AKAP19: variants seen among roughly 807,000 people sequenced by gnomAD.
AKAP19 encodes the protein A-kinase anchoring protein 19.
chr2:189,975,228 C>T, the AKAP19 span, among the ~76,000 whole-genome samples: 1 of 152,068 alleles, frequency 6.6e-6, no homozygotes, highest in African/African-American at 2.4e-5. Context: ...TTTATTTCTC[C>T]TTCACTTATG....
chr2:190,151,117 C>A, the AKAP19 span, among the ~76,000 whole-genome samples: 1 of 152,058 alleles, frequency 6.6e-6, no homozygotes, highest in Non-Finnish European at 1.5e-5. Flanking sequence ...TCCTATTTGT[C>A]ATTTCTGTTT....
chr2:189,924,951 A>C, the AKAP19 span, among the ~76,000 whole-genome samples: 1 of 152,172 alleles, frequency 6.6e-6, no homozygotes, highest in Non-Finnish European at 1.5e-5. Context: ...GCTGTTAACC[A>C]TGAGCTCAAT....
the AKAP19 span, among the ~76,000 whole-genome samples, chr2:189,938,822 A>G: frequency 6.6e-6 from 1 of 152,308 alleles, no homozygotes; most frequent in East Asian, 1.9e-4. Context: ...CATCTCGTGT[A>G]CCCCATAAAT....
the AKAP19 span, chr2:190,062,235 A>G: frequency 1.3e-5 from 21 of 1,612,868 alleles, no homozygotes; most frequent in East Asian, 2.2e-5. Context: ...CTCTGTAGGC[A>G]TGGTAATGAT....
chr2:190,031,246 G>T, the AKAP19 span, among the ~76,000 whole-genome samples: 1 of 152,186 alleles, frequency 6.6e-6, no homozygotes, highest in Non-Finnish European at 1.5e-5. Context: ...AGTACAGGAT[G>T]TGGAGTAGGG....
At chr2:189,893,472 G>A in the AKAP19 span, among the ~76,000 whole-genome samples, 1 of 152,164 alleles carries the variant, frequency 6.6e-6, no homozygotes, top group Admixed American at 6.5e-5. Context: ...GCTAGGAGAG[G>A]GAGTCCCCTG....
chr2:190,200,328 C>T, the AKAP19 span: 1 of 601,368 alleles, frequency 1.7e-6, no homozygotes, highest in Non-Finnish European at 3.0e-6. Flanking sequence ...ATGTTAACAG[C>T]AATTTCTGTT....
chr2:190,127,227 G>A, the AKAP19 span, among the ~76,000 whole-genome samples: 2 of 151,330 alleles, frequency 1.3e-5, no homozygotes, highest in Non-Finnish European at 2.9e-5. Flanking sequence ...TGGAACTCTG[G>A]TTCTCAAGCC....
chr2:189,949,652 T>C, the AKAP19 span, among the ~76,000 whole-genome samples: 4 of 148,162 alleles, frequency 2.7e-5, no homozygotes, highest in Non-Finnish European at 4.5e-5. Flanking sequence ...TTTTTTTTTT[T>C]AGAGATGAGT....
chr2:189,989,441 A>T, the AKAP19 span, among the ~76,000 whole-genome samples: 3 of 151,964 alleles, frequency 2.0e-5, no homozygotes, highest in Non-Finnish European at 4.4e-5. Flanking sequence ...TTAAAAATTA[A>T]AAAAAAAGAA....
At chr2:189,934,440 T>C in the AKAP19 span, among the ~76,000 whole-genome samples, 48 of 151,978 alleles carry the variant, frequency 3.2e-4, no homozygotes, top group African/African-American at 1.1e-3. Flanking sequence ...ATGATTTCTA[T>C]TTTTCTCCAT....
the AKAP19 span, among the ~76,000 whole-genome samples, chr2:190,068,100 A>C: frequency 6.6e-6 from 1 of 152,080 alleles, no homozygotes; most frequent in African/African-American, 2.4e-5. Flanking sequence ...TCTCTAAAAA[A>C]ACAAACTAGA....
the AKAP19 span, among the ~76,000 whole-genome samples, chr2:190,067,012 TA>T: frequency 1.3e-5 from 2 of 152,296 alleles, no homozygotes; most frequent in African/African-American, 4.8e-5. Context: ...GTTTATCCCC[TA>T]AAGCAGTGAT....
the AKAP19 span, among the ~76,000 whole-genome samples, chr2:189,970,218 T>C: frequency 1.2e-4 from 18 of 152,134 alleles, no homozygotes; most frequent in Non-Finnish European, 2.2e-4. Context: ...CATATGTCTA[T>C]AGAAATATGC....
chr2:189,998,977 G>A, the AKAP19 span, among the ~76,000 whole-genome samples: 1 of 151,400 alleles, frequency 6.6e-6, no homozygotes. Flanking sequence ...TTACCATGTT[G>A]GCTAGGCTGA....
the AKAP19 span, among the ~76,000 whole-genome samples, chr2:190,017,011 T>C: frequency 1.3e-5 from 2 of 152,202 alleles, no homozygotes; most frequent in Non-Finnish European, 2.9e-5. Flanking sequence ...TCTTGATAAA[T>C]TGACCCTTTT....
chr2:190,006,418 C>T, the AKAP19 span, among the ~76,000 whole-genome samples: 1,549 of 147,584 alleles, frequency 0.01, 17 homozygotes, highest in African/African-American at 0.035. Flanking sequence ...GAGGCAGAGA[C>T]GGGCAGATCA....
At chr2:190,067,302 T>A in the AKAP19 span, among the ~76,000 whole-genome samples, 1 of 152,102 alleles carries the variant, frequency 6.6e-6, no homozygotes, top group African/African-American at 2.4e-5. Context: ...CAGTTTTTAT[T>A]TCATAGACTC....
the AKAP19 span, chr2:189,923,381 TC>T: frequency 6.2e-7 from 1 of 1,612,586 alleles, no homozygotes; most frequent in African/African-American, 1.3e-5. Context: ...TTCCATGAAC[TC>T]CCGTGTATTC....
Sources: allele counts gnomAD v4.1 joint callset (sites outside exome capture counted in the v4.1 genomes callset), GRCh38; gene constraint gnomAD v4.1.1; transcripts MANE v1.5; gene names NCBI Gene and HGNC (gene_info 2026-07-23, HGNC 2026-07-21).